MCTP1: variants seen among roughly 807,000 people sequenced by gnomAD.
MCTP1 encodes multiple C2 and transmembrane domain containing 1, also known as multiple C2 and transmembrane domain-containing protein 1.
A neutral mutation model predicts 120.6 loss-of-function variants in MCTP1; 69 were observed. The observed-to-expected ratio is 0.57, with a 90% CI of 0.47 to 0.70. MCTP1 has a LOEUF of 0.70. Among genes scored for constraint, MCTP1 ranks in the 30% least tolerant of loss-of-function variants. The pLI is 0.00. For missense variants in MCTP1, 1,203 were observed against 1,248.8 expected, an observed-to-expected ratio of 0.96 and a Z score of 0.55; for synonymous variants, 529 against 493.1, an observed-to-expected ratio of 1.07 and a Z score of -0.96.
chr5:95,245,330 A>C (rs1283645665), intron 1 of MCTP1, among the ~76,000 whole-genome samples: 1 of 152,238 alleles, frequency 6.6e-6, no homozygotes, highest in African/African-American at 2.4e-5. Context: ...AATGACTTTG[A>C]CAAGTTGACA....
At chr5:94,885,797 A>G (rs888537898) in intron 12 of MCTP1, among the ~76,000 whole-genome samples, 21 of 152,178 alleles carry the variant, frequency 1.4e-4, no homozygotes, top group African/African-American at 4.3e-4. Context: ...TTTTTCAGTG[A>G]CTCAAATTTT....
intron 1 of MCTP1, among the ~76,000 whole-genome samples, chr5:95,238,046 T>C (rs1755746093): frequency 6.6e-6 from 1 of 152,150 alleles, no homozygotes; most frequent in Admixed American, 6.5e-5. Flanking sequence ...GGCCAACTCA[T>C]AAACCAAATG....
chr5:95,061,584 C>G (rs1030183313), intron 1 of MCTP1, among the ~76,000 whole-genome samples: 5 of 150,440 alleles, frequency 3.3e-5, no homozygotes, highest in Non-Finnish European at 7.4e-5. Flanking sequence ...TACAGGCGCC[C>G]GCCACTACGC....
At chr5:94,947,936 G>A (rs544781558) in intron 3 of MCTP1, among the ~76,000 whole-genome samples, 6 of 151,938 alleles carry the variant, frequency 3.9e-5, no homozygotes, top group African/African-American at 1.2e-4. Flanking sequence ...CCATATTAGA[G>A]CTTCTTTAAA....
intron 1 of MCTP1, among the ~76,000 whole-genome samples, chr5:95,060,094 A>G (rs1202293844): frequency 2.6e-5 from 4 of 152,176 alleles, no homozygotes; most frequent in African/African-American, 7.2e-5. Flanking sequence ...GCCTGGGGCT[A>G]TTCTTTGCTT....
At chr5:95,169,041 A>T (rs2152492178) in intron 1 of MCTP1, among the ~76,000 whole-genome samples, 2 of 152,298 alleles carry the variant, frequency 1.3e-5, no homozygotes, top group Admixed American at 1.3e-4. Flanking sequence ...GGTTTGTCAT[A>T]AATAGCTCTT....
intron 1 of MCTP1, among the ~76,000 whole-genome samples, chr5:95,226,943 G>A (rs1327034067): frequency 6.6e-6 from 1 of 152,006 alleles, no homozygotes; most frequent in African/African-American, 2.4e-5. Flanking sequence ...AATACAACGG[G>A]ATTTTAGGCC....
intron 2 of MCTP1, among the ~76,000 whole-genome samples, chr5:94,999,888 C>A (rs1368098331): frequency 3.3e-5 from 5 of 152,148 alleles, no homozygotes; most frequent in African/African-American, 1.2e-4. Flanking sequence ...TAGATAAACA[C>A]TGGAGAAGAG....
chr5:94,718,241 G>A (rs561929805), intron 19 of MCTP1, among the ~76,000 whole-genome samples: 3 of 152,072 alleles, frequency 2.0e-5, no homozygotes, highest in Admixed American at 2.0e-4. Context: ...TGACAAACTT[G>A]ACAAAAACAA....
intron 1 of MCTP1, among the ~76,000 whole-genome samples, chr5:95,277,581 T>C (rs1582720007): frequency 6.6e-6 from 1 of 152,332 alleles, no homozygotes; most frequent in Middle Eastern, 3.4e-3. Flanking sequence ...CTGAACTGTT[T>C]TACAATGCTG....
At chr5:95,281,120 C>A (rs1262920754) in intron 1 of MCTP1, among the ~76,000 whole-genome samples, 1 of 152,186 alleles carries the variant, frequency 6.6e-6, no homozygotes, top group Non-Finnish European at 1.5e-5. Context: ...GTATTAAATA[C>A]TTTTATTGTG....
At chr5:95,068,440 A>G (rs1009533371) in intron 1 of MCTP1, among the ~76,000 whole-genome samples, 2 of 152,248 alleles carry the variant, frequency 1.3e-5, no homozygotes, top group Non-Finnish European at 2.9e-5. Flanking sequence ...AATGAAAACA[A>G]AACAAAACCA....
chr5:94,829,413 G>A (rs938294443), intron 17 of MCTP1, among the ~76,000 whole-genome samples: 14 of 152,258 alleles, frequency 9.2e-5, no homozygotes, highest in African/African-American at 2.9e-4. Context: ...GTTCCTATTC[G>A]GCCATCTTGC....
At chr5:94,858,073 G>A (rs1339061942) in intron 17 of MCTP1, among the ~76,000 whole-genome samples, 1 of 151,666 alleles carries the variant, frequency 6.6e-6, no homozygotes, top group Non-Finnish European at 1.5e-5. Context: ...TTAGGCCACG[G>A]ACAGGTTCAT....
intron 1 of MCTP1, among the ~76,000 whole-genome samples, chr5:95,091,016 A>G (rs1755803815): frequency 6.6e-6 from 1 of 152,170 alleles, no homozygotes; most frequent in Non-Finnish European, 1.5e-5. Flanking sequence ...TTTACAGTCT[A>G]TCAATCAAAT....
intron 2 of MCTP1, among the ~76,000 whole-genome samples, chr5:94,960,788 A>T (rs1022520654): frequency 3.9e-5 from 6 of 152,180 alleles, no homozygotes; most frequent in Non-Finnish European, 8.8e-5. Context: ...GCTGGAGAGG[A>T]TGTGGAGAAA....
At chr5:95,120,008 T>TA (rs909337353) in intron 1 of MCTP1, among the ~76,000 whole-genome samples, 109 of 149,636 alleles carry the variant, frequency 7.3e-4, no homozygotes, top group African/African-American at 2.1e-3. Context: ...TCGTCTCTAC[T>TA]AAAAAAAAAT....
chr5:94,726,506 C>G (rs1367766635), intron 19 of MCTP1, among the ~76,000 whole-genome samples: 1 of 152,058 alleles, frequency 6.6e-6, no homozygotes, highest in East Asian at 1.9e-4. Flanking sequence ...AAGAAAGATT[C>G]CGATTCTTTT....
At chr5:94,814,838 C>T (rs943309770) in intron 17 of MCTP1, among the ~76,000 whole-genome samples, 2 of 152,012 alleles carry the variant, frequency 1.3e-5, no homozygotes, top group East Asian at 1.9e-4. Flanking sequence ...TCTTCTCTGC[C>T]CTGAAGAAAG....
Sources: allele counts gnomAD v4.1 joint callset (sites outside exome capture counted in the v4.1 genomes callset), GRCh38; gene constraint gnomAD v4.1.1; transcripts MANE v1.5; gene names NCBI Gene and HGNC (gene_info 2026-07-23, HGNC 2026-07-21).